The following TLL1 variants were observed in gnomAD, a reference collection of about 807,000 sequenced individuals.
The protein encoded by TLL1 is tolloid-like protein 1.
A neutral mutation model predicts 128.2 loss-of-function variants in TLL1; 49 were observed. That is an observed-to-expected ratio of 0.38 (90% CI 0.30 to 0.48). The LOEUF (loss-of-function observed/expected upper bound fraction) is 0.48, where lower values mean the gene tolerates loss of function less well. Ranked by LOEUF, TLL1 falls within the 20% of genes least tolerant of loss-of-function variation. The probability of loss-of-function intolerance (pLI) is 0.96; values close to 1 mark genes in which losing one functional copy is unlikely to be tolerated. For synonymous variants in TLL1, 454 were observed against 418.8 expected, an observed-to-expected ratio of 1.08 and a Z score of -1.03; for missense variants, 1,123 against 1,242.0, an observed-to-expected ratio of 0.90 and a Z score of 1.44.
intron 1 of TLL1, among the ~76,000 whole-genome samples, chr4:165,914,135 G>A (rs1732670507): frequency 6.6e-6 from 1 of 151,978 alleles, no homozygotes; most frequent in South Asian, 2.1e-4. Flanking sequence ...TTTCAGGAAC[G>A]CTTACCTATT....
chr4:165,955,078 A>C (rs1327862719), intron 1 of TLL1, among the ~76,000 whole-genome samples: 1 of 152,106 alleles, frequency 6.6e-6, no homozygotes, highest in Non-Finnish European at 1.5e-5. Flanking sequence ...CTTAAGAAAA[A>C]ACCAGTTGAA....
chr4:166,042,632 T>C lies in TLL1; in HGVS notation c.1378+489T>C, dbSNP rs561077955. On this transcript the variant is annotated intron_variant, in intron 11 of 20. Coordinates refer to ENST00000061240, the MANE Select transcript of TLL1 (RefSeq NM_012464.5). ...TTTGTTTTATGCTTCTCTAAAACAA[T>C]AAACTGGCATTGTGCTTTCTTGGCT... Among the ~76,000 whole-genome samples, 9 of 152,320 alleles carry C rather than the reference T, an allele frequency of 5.9e-5. 1 individual carries two copies. The South Asian group carries it at 1.7e-3, about 28-fold the overall frequency.
At chr4:165,982,382 A>G (rs959594312) in intron 1 of TLL1, among the ~76,000 whole-genome samples, 1 of 151,892 alleles carries the variant, frequency 6.6e-6, no homozygotes, top group African/African-American at 2.4e-5. Context: ...TATTCTTCCC[A>G]TTGTTTAAGG....
At chr4:166,072,988 T>C (rs781611209) in intron 16 of TLL1, among the ~76,000 whole-genome samples, 8 of 152,148 alleles carry the variant, frequency 5.3e-5, no homozygotes, top group Non-Finnish European at 1.0e-4. Context: ...AGGGTACAAC[T>C]GAGCTTCACT....
chr4:166,047,746 C>T (rs1261901809), intron 12 of TLL1, among the ~76,000 whole-genome samples: 1 of 152,060 alleles, frequency 6.6e-6, no homozygotes, highest in Non-Finnish European at 1.5e-5. Context: ...GGAAGGAACA[C>T]TATTTGGCAG....
At chr4:165,945,507 C>T (rs145078805) in intron 1 of TLL1, among the ~76,000 whole-genome samples, 126 of 152,066 alleles carry the variant, frequency 8.3e-4, no homozygotes, top group African/African-American at 2.7e-3. Context: ...ATGACAACAT[C>T]ATAGTGAGAG....
chr4:166,077,137 A>G (rs1445147662), intron 17 of TLL1, among the ~76,000 whole-genome samples: 1 of 152,196 alleles, frequency 6.6e-6, no homozygotes, highest in Admixed American at 6.5e-5. Flanking sequence ...TAAATTATAT[A>G]GAAAGAGCAC....
At chr4:166,082,130 G>C (rs757912479) in intron 18 of TLL1, among the ~76,000 whole-genome samples, 3 of 152,124 alleles carry the variant, frequency 2.0e-5, no homozygotes, top group Non-Finnish European at 4.4e-5. Flanking sequence ...GTGGAAGTAA[G>C]TACAGTGTAA....
chr4:166,030,137 A>C (rs1019813315), intron 9 of TLL1, among the ~76,000 whole-genome samples: 2 of 152,122 alleles, frequency 1.3e-5, no homozygotes, highest in African/African-American at 4.8e-5. Flanking sequence ...ATTTCTGTCC[A>C]TCCTCACCAA....
intron 9 of TLL1, among the ~76,000 whole-genome samples, chr4:166,028,666 C>T (rs942085367): frequency 6.6e-6 from 1 of 151,910 alleles, no homozygotes; most frequent in African/African-American, 2.4e-5. Flanking sequence ...TCATTTTATA[C>T]ACATGTTTAC....
At chr4:165,887,839 T>C (rs981546160) in intron 1 of TLL1, among the ~76,000 whole-genome samples, 1 of 152,214 alleles carries the variant, frequency 6.6e-6, no homozygotes, top group Non-Finnish European at 1.5e-5. Context: ...TACTGTTTAA[T>C]ATTTAATATT....
chr4:166,006,075 T>C (rs1737412435), intron 6 of TLL1, among the ~76,000 whole-genome samples: 2 of 151,584 alleles, frequency 1.3e-5, no homozygotes, highest in Non-Finnish European at 3.0e-5. Flanking sequence ...TTGCTGTCAC[T>C]CAGAAACTTA....
rs10008699 is a variant in TLL1, at chr4:165,971,037, C to A, written c.170-18344C>A. On this transcript the variant is annotated intron_variant, in intron 1 of 20. Transcript: ENST00000061240. ...CTTGGACTGCAATCCACATTCCCCA[C>A]CCCAGGCAAGATATTAACTTAAAAA... 9.8e-3 allele frequency among the ~76,000 whole-genome samples: 1,494 copies of A among 152,322 alleles called. 29 individuals carry two copies. Among genetic ancestry groups the A allele is most frequent in the African/African-American group, 0.034 (1,418 of 41,554 alleles).
intron 16 of TLL1, among the ~76,000 whole-genome samples, chr4:166,068,795 T>C (rs1478730059): frequency 5.3e-5 from 8 of 151,876 alleles, no homozygotes; most frequent in African/African-American, 1.9e-4. Context: ...GCAAATGCAC[T>C]TTGTGGACTC....
rs1346649806 is a variant in TLL1 at position 165,934,175 on chromosome 4, T to TC, written c.170-55206_170-55205insC. Among the ~76,000 whole-genome samples the TC allele has an allele frequency of 9.1e-3, 1,253 of 138,242 alleles. 24 individuals are homozygous for TC. The highest frequency in any genetic ancestry group is 0.033 in the African/African-American group (1,184 of 35,640). 90.7% of individuals were successfully genotyped at this position (138,242 alleles called of 152,430 possible). A position where few individuals can be genotyped will look rare whatever the true frequency, so the allele number is the denominator to read the frequency against. ...CACCACGCCCAGCTAATTTTTTGCT[T>TC]TTTTTTTTTTTTTTTTTTTAGTAGG... On this transcript the variant is annotated intron_variant, in intron 1 of 20. Coordinates refer to ENST00000061240, the MANE Select transcript of TLL1 (RefSeq NM_012464.5).
At chr4:166,033,424 A>G (rs562072058) in intron 9 of TLL1, among the ~76,000 whole-genome samples, 2 of 152,216 alleles carry the variant, frequency 1.3e-5, no homozygotes, top group Non-Finnish European at 2.9e-5. Context: ...GGAAGAATAT[A>G]TAAGAAAATG....
At chr4:165,956,376 G>C (rs568473220) in intron 1 of TLL1, among the ~76,000 whole-genome samples, 29 of 152,060 alleles carry the variant, frequency 1.9e-4, no homozygotes, top group South Asian at 8.3e-4. Context: ...TCTCAACCAC[G>C]TAAGACAGAC....
In TLL1 at chr4:166,069,126, T is replaced by C. The variant is rs957717418; in HGVS notation, c.2188+3263T>C. Among the ~76,000 whole-genome samples, 88 of 151,852 alleles carry C rather than the reference T, an allele frequency of 5.8e-4. 1 individual carries two copies. The highest frequency in any genetic ancestry group is 1.5e-4 in the Non-Finnish European group (10 of 67,858). On this transcript the variant is annotated intron_variant, in intron 16 of 20. Transcript: ENST00000061240. ...TATTTCTAGTTTGCAAACACTGCCT[T>C]ATAGACACCTATTTCTTCATTAGTT...
intron 16 of TLL1, among the ~76,000 whole-genome samples, chr4:166,071,404 A>C (rs964839378): frequency 6.6e-6 from 1 of 151,936 alleles, no homozygotes; most frequent in Non-Finnish European, 1.5e-5. Context: ...GAAAGCAGAC[A>C]TGTCCATTCC....
Sources: allele counts gnomAD v4.1 joint callset (sites outside exome capture counted in the v4.1 genomes callset), GRCh38; gene constraint gnomAD v4.1.1; transcripts MANE v1.5; gene names NCBI Gene and HGNC (gene_info 2026-07-23, HGNC 2026-07-21).